Variants in UPP1 observed in about 807,000 individuals in gnomAD.
UPP1 encodes UPase 1.
Under a neutral mutation model 29.6 loss-of-function variants are expected in UPP1, and 25 were observed. The ratio of observed to expected loss-of-function variants is 0.85; its 90% CI spans 0.62 to 1.18. The LOEUF is 1.18. UPP1 is among the 50% of genes most tolerant of loss of function. UPP1 has a pLI of 0.00. For synonymous variants in UPP1, 165 were observed against 159.8 expected (o/e 1.03, Z -0.25); for missense variants, 368 against 410.4 (o/e 0.90, Z 0.89).
rs758214923 is a variant in UPP1 at position 48,107,045 on chromosome 7, G to C, written c.609G>C (p.Val203=). Residue 203 remains valine, a synonymous_variant, in exon 7 of 9, where the codon GTG becomes GTC. Transcript: ENST00000395564. The part of the protein sequence containing the change: ...CSAELSEFTT[V]VGNTMCTLDF... ...CAGAGCTGAGCGAGTTCACCACAGT[G>C]GTGGGGAACACCATGTGCACCTTGG... 12 of 1,612,188 alleles carry C rather than the reference G, an allele frequency of 7.4e-6. No individual in the cohort carries two copies. Among genetic ancestry groups the C allele is most frequent in the East Asian group, 4.5e-5 (2 of 44,884 alleles).
intron 6 of UPP1, chr7:48,103,888 C>T: frequency 1.6e-6 from 2 of 1,284,610 alleles, no homozygotes; most frequent in Non-Finnish European, 1.0e-6. Flanking sequence ...TTAAAATGTC[C>T]CTATCCTCAA....
chr7:48,105,634 A>C (rs1792689607), intron 6 of UPP1: 1 of 152,442 alleles, frequency 6.6e-6, no homozygotes, highest in Non-Finnish European at 1.5e-5. Flanking sequence ...GAGGCTGCGA[A>C]GTCCAAGGTC....
chr7:48,092,034 GTC>G (rs1367256262), intron 2 of UPP1, among the ~76,000 whole-genome samples: 2 of 152,130 alleles, frequency 1.3e-5, no homozygotes, highest in African/African-American at 2.4e-5. Context: ...CCACTCAGCA[GTC>G]TCTGATTCAG....
intron 2 of UPP1, among the ~76,000 whole-genome samples, chr7:48,092,534 C>CT (rs1410553106): frequency 6.6e-6 from 1 of 152,074 alleles, no homozygotes; most frequent in East Asian, 1.9e-4. Flanking sequence ...TGTGATACCT[C>CT]TTTTAAAACT....
At chr7:48,092,312 G>A (rs987168120) in intron 2 of UPP1, among the ~76,000 whole-genome samples, 2 of 152,050 alleles carry the variant, frequency 1.3e-5, no homozygotes, top group South Asian at 2.1e-4. Context: ...TCCCTCAGTC[G>A]GTAGGTCTGC....
intron 3 of UPP1, among the ~76,000 whole-genome samples, chr7:48,098,928 T>C (rs1235575332): frequency 6.6e-6 from 1 of 152,194 alleles, no homozygotes; most frequent in East Asian, 1.9e-4. Context: ...AAGGTTTTAT[T>C]GGAACACAGA....
intron 2 of UPP1, among the ~76,000 whole-genome samples, chr7:48,091,460 G>A (rs1453829775): frequency 1.3e-5 from 2 of 152,144 alleles, no homozygotes; most frequent in Non-Finnish European, 2.9e-5. Flanking sequence ...CTGTTATGTG[G>A]GGAGGGGAGC....
At position 48,106,985 on chromosome 7, in the gene UPP1, C is replaced by T; in HGVS notation, c.549C>T (p.Asn183=). ...GGGTCATCCGGAAAACGGACCTTAA[C>T]AAGAAGCTGGTGCAGGAGCTGTTGC... The part of the protein sequence containing the change: ...GKRVIRKTDL[N]KKLVQELLLC... Residue 183 remains asparagine, a synonymous_variant, in exon 7 of 9, where the codon AAC becomes AAT. Coordinates refer to ENST00000395564, the MANE Select transcript of UPP1 (RefSeq NM_003364.4). The T allele has an allele frequency of 6.2e-7, 1 of 1,613,216 alleles. No individual in the cohort carries two copies. The highest frequency in any genetic ancestry group is 1.1e-5 in the South Asian group (1 of 91,032).
At chr7:48,107,276 G>C in intron 7 of UPP1, 85 bp from the exon 8 acceptor site, 1 of 1,524,968 alleles carries the variant, frequency 6.6e-7, no homozygotes, top group Non-Finnish European at 8.9e-7. Context: ...GCTTGTCCCT[G>C]TGTCCTTCTG....
chr7:48,106,487 T>A (rs1453723244), intron 6 of UPP1: 1 of 205,808 alleles, frequency 4.9e-6, no homozygotes, highest in Non-Finnish European at 1.0e-5. Flanking sequence ...ATTTTTGTAT[T>A]TTTAGTAGAG....
intron 3 of UPP1, among the ~76,000 whole-genome samples, chr7:48,098,595 C>T (rs1229920880): frequency 1.3e-5 from 2 of 152,070 alleles, no homozygotes; most frequent in African/African-American, 4.8e-5. Context: ...GGGTGCATCC[C>T]TTATTTAACA....
Position 48,094,966 on chromosome 7 carries a change from G to A in UPP1, c.44+139G>A, listed in dbSNP as rs1201229871. The A allele has an allele frequency of 3.7e-6, 4 of 1,069,766 alleles. No individual in the cohort carries two copies. The African/African-American group carries it at 6.3e-5, about 17-fold the overall frequency. 66.3% of individuals were successfully genotyped at this position (1,069,766 alleles called of 1,614,324 possible). ...TGTGAAAGAGACTGAGGCCTGGAGG[G>A]ATTAATGACTCAGGAGGTTCGTACA... On this transcript the variant is annotated intron_variant, in intron 3 of 8. Transcript: ENST00000395564.
chr7:48,104,532 C>T (rs1487833517), intron 6 of UPP1: 1 of 152,174 alleles, frequency 6.6e-6, no homozygotes, highest in East Asian at 1.9e-4. Context: ...TCCAGGCTGT[C>T]TAGGGCCTGG....
At chr7:48,095,271 TC>T (rs978423625) in intron 3 of UPP1, among the ~76,000 whole-genome samples, 2 of 152,230 alleles carry the variant, frequency 1.3e-5, no homozygotes, top group Non-Finnish European at 2.9e-5. Context: ...AGCAAGAATT[TC>T]TTGTCTTCAT....
At chr7:48,104,593 AG>A (rs1400173353) in intron 6 of UPP1, 1 of 152,250 alleles carries the variant, frequency 6.6e-6, no homozygotes, top group African/African-American at 2.4e-5. Flanking sequence ...TGACCTTGAA[AG>A]GGGACTTGCT....
rs1792035998 is a variant in UPP1 at position 48,094,766 on chromosome 7, C to T, written c.-18C>T. The T allele has an allele frequency of 2.5e-6, 4 of 1,613,966 alleles. No homozygotes were observed. Among genetic ancestry groups the T allele is most frequent in the African/African-American group, 1.3e-5 (1 of 74,908 alleles). On this transcript the variant is annotated 5_prime_UTR_variant, in exon 3 of 9. Transcript: ENST00000395564. ...TTCTGTGATTTTTTTTCCTTAGGGT[C>T]CTGCCTCAGTTGGCGGAATGGCGGC...
rs772217612 is a variant in UPP1, at chr7:48,106,982, T to TA, written c.548dup (p.Asn183LysfsTer33). 1 of 1,613,160 alleles carries TA rather than the reference T, an allele frequency of 6.2e-7. No homozygotes were observed. Among genetic ancestry groups the TA allele is most frequent in the Admixed American group, 1.7e-5 (1 of 60,014 alleles). On this transcript the variant is annotated frameshift_variant, in exon 7 of 9. Transcript: ENST00000395564. LOFTEE classifies it high-confidence loss of function. ...AGCGGGTCATCCGGAAAACGGACCTTAACAAGAAGCTGGTGCAGGAGCTGT... is the reference window on the plus strand; with the variant it reads ...AGCGGGTCATCCGGAAAACGGACCTTAAACAAGAAGCTGGTGCAGGAGCTGT...
intron 4 of UPP1, 23 bp downstream of exon 4, chr7:48,099,810 CT>C: frequency 6.5e-7 from 1 of 1,542,548 alleles, no homozygotes; most frequent in Non-Finnish European, 9.0e-7. Flanking sequence ...GTGTTGACAC[CT>C]TGGAATTTGC....
intron 2 of UPP1, among the ~76,000 whole-genome samples, chr7:48,091,307 TAAGATGG>T: frequency 7.0e-6 from 1 of 142,266 alleles, no homozygotes. Context: ...TTTTTTTAAG[TAAGATGG>T]ATCTGGCTGG....
Sources: allele counts gnomAD v4.1 joint callset (sites outside exome capture counted in the v4.1 genomes callset), GRCh38; gene constraint gnomAD v4.1.1; transcripts MANE v1.5; gene names NCBI Gene and HGNC (gene_info 2026-07-23, HGNC 2026-07-21).